Variants in FBXO22 observed in about 807,000 individuals in gnomAD.
FBXO22 encodes the protein F-box only protein 22.
A neutral mutation model predicts 37.2 loss-of-function variants in FBXO22; 13 were observed. That is an observed-to-expected ratio of 0.35 (90% CI 0.23 to 0.56). The LOEUF is 0.56. Ranked by LOEUF, FBXO22 falls within the 20% of genes least tolerant of loss-of-function variation. FBXO22 has a pLI of 0.87. For missense variants in FBXO22, 446 were observed against 509.9 expected (o/e 0.87, Z 1.21); for synonymous variants, 189 against 189.1 (o/e 1.00, Z 0.00).
intron 2 of FBXO22, among the ~76,000 whole-genome samples, chr15:75,907,858 G>A (rs141159167): frequency 1.8e-4 from 28 of 152,122 alleles, no homozygotes; most frequent in Non-Finnish European, 3.4e-4. Context: ...TACCAGAATC[G>A]CTTGAACCAG....
intron 5 of FBXO22, among the ~76,000 whole-genome samples, chr15:75,921,905 C>T (rs1189007235): frequency 6.6e-6 from 1 of 152,060 alleles, no homozygotes; most frequent in Admixed American, 6.5e-5. Flanking sequence ...GGCAGTAATA[C>T]ATGTGGAGCT....
chr15:75,915,652 A>G (rs1900164663), intron 4 of FBXO22, among the ~76,000 whole-genome samples: 1 of 152,074 alleles, frequency 6.6e-6, no homozygotes, highest in African/African-American at 2.4e-5. Flanking sequence ...CTGTGGTCCC[A>G]GCACTTTGGG....
intron 2 of FBXO22, among the ~76,000 whole-genome samples, chr15:75,907,123 C>G (rs1376303749): frequency 6.6e-6 from 1 of 152,040 alleles, no homozygotes; most frequent in East Asian, 1.9e-4. Context: ...TTTTCTATAG[C>G]TTTAAGAGTT....
In FBXO22 at chr15:75,914,215, AT is replaced by A; in HGVS notation, c.463+12del. On this transcript the variant is annotated intron_variant, in intron 4 of 6. Coordinates refer to ENST00000308275, the MANE Select transcript of FBXO22 (RefSeq NM_147188.3). ...ACCCCAGGAATTGTAGGTGAGATAA[AT>A]TAGCAACTTGATGATTTCTTCCTTG... 6.3e-7 allele frequency: 1 copy of A among 1,592,508 alleles called. No homozygotes were observed. The highest frequency in any genetic ancestry group is 8.6e-7 in the Non-Finnish European group (1 of 1,162,352).
chr15:75,930,855 G>T, intron 6 of FBXO22: 1 of 984,366 alleles, frequency 1.0e-6, no homozygotes, highest in Non-Finnish European at 1.2e-6. Context: ...CATGGGGACA[G>T]ACTGTTGCAG....
At chr15:75,910,794 T>G (rs953699841) in intron 2 of FBXO22, among the ~76,000 whole-genome samples, 4 of 152,230 alleles carry the variant, frequency 2.6e-5, no homozygotes, top group African/African-American at 9.6e-5. Context: ...AATTTTGGCT[T>G]TTGTTGCCAT....
chr15:75,940,401 T>C lies in FBXO22; in HGVS notation c.*7299T>C, dbSNP rs2141744972. Reference sequence around the variant, plus strand: ...GGAAAATCTAATGTTAATATGTCAGTACTACTCAAAGTGATGTGCAGATTC... The same window carrying C: ...GGAAAATCTAATGTTAATATGTCAGCACTACTCAAAGTGATGTGCAGATTC... On this transcript the variant is annotated 3_prime_UTR_variant, in exon 7 of 7. Coordinates refer to ENST00000308275, the MANE Select transcript of FBXO22 (RefSeq NM_147188.3). 6.6e-6 allele frequency: 1 copy of C among 151,522 alleles called. No individual in the cohort carries two copies. Among genetic ancestry groups the C allele is most frequent in the Non-Finnish European group, 1.5e-5 (1 of 67,866 alleles). The allele number at this position is 151,522 out of a possible 1,614,324, so 9.4% of individuals were successfully genotyped here. A position where few individuals can be genotyped will look rare whatever the true frequency, so the allele number is the denominator to read the frequency against.
At position 75,934,693 on chromosome 15, in the gene FBXO22, A is replaced by G. The variant is rs1424947321; in HGVS notation, c.*1591A>G. On this transcript the variant is annotated 3_prime_UTR_variant, in exon 7 of 7. Transcript: ENST00000308275. The stretch of plus-strand genomic sequence containing the variant: ...CAAAACTTTTCATCTATGAATATTT[A>G]TATTTAGCTCTTGCTATTTAGCTAT... 6.6e-6 allele frequency: 1 copy of G among 152,226 alleles called. No individual in the cohort carries two copies. Among genetic ancestry groups the G allele is most frequent in the African/African-American group, 2.4e-5 (1 of 41,468 alleles). The allele number at this position is 152,226 out of a possible 1,614,324, so 9.4% of individuals were successfully genotyped here.
intron 5 of FBXO22, among the ~76,000 whole-genome samples, chr15:75,921,260 T>TC (rs1285615920): frequency 6.6e-6 from 1 of 152,144 alleles, no homozygotes; most frequent in African/African-American, 2.4e-5. Context: ...GACTAGAAGT[T>TC]GGTGTGGGGT....
rs2030283947 is a variant in FBXO22 at position 75,935,816 on chromosome 15, C to G, written c.*2714C>G. On this transcript the variant is annotated 3_prime_UTR_variant, in exon 7 of 7. Coordinates refer to ENST00000308275, the MANE Select transcript of FBXO22 (RefSeq NM_147188.3). ...ACTTTCTTTTTTTTTGAGACGGAGT[C>G]CCGCTCTTTAGCCCAGGCCGGATTG... 6.6e-6 allele frequency: 1 copy of G among 151,832 alleles called. No homozygotes were observed. The highest frequency in any genetic ancestry group is 1.5e-5 in the Non-Finnish European group (1 of 67,988). 9.4% of individuals were successfully genotyped at this position (151,832 alleles called of 1,614,324 possible).
chr15:75,915,866 C>T (rs1323831090), intron 4 of FBXO22, among the ~76,000 whole-genome samples: 1 of 150,202 alleles, frequency 6.7e-6, no homozygotes. Context: ...CGCCATTGCA[C>T]TCCATCCTGG....
chr15:75,916,167 A>G (rs1051355475), intron 4 of FBXO22, among the ~76,000 whole-genome samples: 2 of 152,034 alleles, frequency 1.3e-5, no homozygotes, highest in African/African-American at 2.4e-5. Context: ...TTTAAGCACC[A>G]CAGAGTTAAC....
At chr15:75,905,122 A>G (rs970417897) in intron 2 of FBXO22, among the ~76,000 whole-genome samples, 2 of 152,142 alleles carry the variant, frequency 1.3e-5, no homozygotes, top group African/African-American at 4.8e-5. Context: ...CGCGCCCGGC[A>G]TGTTGGGCCT....
intron 2 of FBXO22, among the ~76,000 whole-genome samples, chr15:75,909,113 C>G (rs1424749159): frequency 6.6e-6 from 1 of 152,132 alleles, no homozygotes; most frequent in Non-Finnish European, 1.5e-5. Context: ...TCATCCTTTT[C>G]ATTTAATTCA....
At chr15:75,914,036 C>A in intron 3 of FBXO22, 74 bp from the exon 4 acceptor site, 1 of 1,080,222 alleles carries the variant, frequency 9.3e-7, no homozygotes, top group Non-Finnish European at 1.4e-6. Flanking sequence ...CCAGTATTTG[C>A]TTTTTTACTT....
At chr15:75,930,336 G>A in intron 6 of FBXO22, 1 of 1,312,092 alleles carries the variant, frequency 7.6e-7, no homozygotes, top group Non-Finnish European at 9.7e-7. Flanking sequence ...GTGGTACTCT[G>A]TGTGACCTCA....
chr15:75,941,536 G>C lies in FBXO22; in HGVS notation c.*8434G>C, dbSNP rs1419566279. 6.6e-6 allele frequency: 1 copy of C among 152,152 alleles called. No homozygotes were observed. Among genetic ancestry groups the C allele is most frequent in the Non-Finnish European group, 1.5e-5 (1 of 68,012 alleles). 9.4% of individuals were successfully genotyped at this position (152,152 alleles called of 1,614,324 possible). The stretch of plus-strand genomic sequence containing the variant: ...GTAGAAACAACCCAAATACCCAACA[G>C]ATGAATGGATAGACAAAATGTGTTA... On this transcript the variant is annotated 3_prime_UTR_variant, in exon 7 of 7. Coordinates refer to ENST00000308275, the MANE Select transcript of FBXO22 (RefSeq NM_147188.3).
At chr15:75,908,123 G>A (rs900299214) in intron 2 of FBXO22, among the ~76,000 whole-genome samples, 1 of 152,134 alleles carries the variant, frequency 6.6e-6, no homozygotes, top group Non-Finnish European at 1.5e-5. Context: ...TTCAGCAGTT[G>A]CTTTTCAGTG....
intron 4 of FBXO22, 43 bp from the exon 5 acceptor site, chr15:75,917,187 T>A: frequency 6.7e-7 from 1 of 1,488,274 alleles, no homozygotes; most frequent in Non-Finnish European, 9.2e-7. Flanking sequence ...GTTATCTAGT[T>A]TTTACTGACT....
Sources: gnomAD v4.1 joint callset for allele counts (sites outside exome capture counted in the v4.1 genomes callset) on GRCh38, gnomAD v4.1.1 for gene constraint, MANE v1.5 for transcripts, NCBI Gene and HGNC (gene_info 2026-07-23, HGNC 2026-07-21) for gene names.